PKN2: variants seen among roughly 807,000 people sequenced by gnomAD.
PKN2 encodes the protein protein kinase N2.
Under a neutral mutation model 119.1 loss-of-function variants are expected in PKN2, and 38 were observed. The ratio of observed to expected loss-of-function variants is 0.32; its 90% CI spans 0.25 to 0.42. The LOEUF is 0.42. PKN2 is among the 10% of genes least tolerant of loss of function. The probability of loss-of-function intolerance (pLI) is 1.00; values close to 1 mark genes in which losing one functional copy is unlikely to be tolerated. For missense variants in PKN2, 850 were observed against 1,165.1 expected (o/e 0.73, Z 3.94); for synonymous variants, 390 against 384.9 (o/e 1.01, Z -0.15).
chr1:88,751,041 T>C (rs924729523), intron 2 of PKN2, among the ~76,000 whole-genome samples: 9 of 152,190 alleles, frequency 5.9e-5, no homozygotes, highest in African/African-American at 2.2e-4. Context: ...AGTACAAATT[T>C]GTAGCATGGT....
At chr1:88,746,916 C>T (rs538052487) in intron 2 of PKN2, among the ~76,000 whole-genome samples, 1 of 152,106 alleles carries the variant, frequency 6.6e-6, no homozygotes, top group Admixed American at 6.5e-5. Context: ...CAATACTATT[C>T]AGCCTTAAAG....
intron 2 of PKN2, among the ~76,000 whole-genome samples, chr1:88,743,757 T>C (rs1221381417): frequency 6.6e-6 from 1 of 152,218 alleles, no homozygotes; most frequent in Non-Finnish European, 1.5e-5. Context: ...TCGCATCTTA[T>C]ATTAGTCTTT....
At chr1:88,806,707 T>G (rs1352314160) in intron 12 of PKN2, among the ~76,000 whole-genome samples, 2 of 152,048 alleles carry the variant, frequency 1.3e-5, no homozygotes, top group Non-Finnish European at 2.9e-5. Flanking sequence ...AATGTGTTAG[T>G]TTTTCATTGT....
intron 15 of PKN2, among the ~76,000 whole-genome samples, chr1:88,810,886 C>T (rs530231999): frequency 5.5e-4 from 84 of 152,314 alleles, no homozygotes; most frequent in Non-Finnish European, 1.1e-3. Context: ...GGATTACAGG[C>T]ATGAGCCACT....
rs1001972823 is a variant in PKN2, at chr1:88,836,151, G to T, written c.*2703G>T. The T allele has an allele frequency of 1.3e-5, 2 of 151,996 alleles. No homozygotes were observed. Among genetic ancestry groups the T allele is most frequent in the African/African-American group, 4.8e-5 (2 of 41,422 alleles). The allele number at this position is 151,996 out of a possible 1,614,324, so 9.4% of individuals were successfully genotyped here. ...AAGAACAGCCTGTTTTAATTAAGAT[G>T]CAAGCACCAGTATTGTATGTACTTT... is the stretch of plus-strand genomic sequence containing the variant. On this transcript the variant is annotated 3_prime_UTR_variant, in exon 22 of 22. Coordinates refer to ENST00000370521, the MANE Select transcript of PKN2 (RefSeq NM_006256.4).
At chr1:88,762,263 A>G (rs1035423138) in intron 3 of PKN2, among the ~76,000 whole-genome samples, 2 of 152,254 alleles carry the variant, frequency 1.3e-5, no homozygotes, top group Non-Finnish European at 2.9e-5. Flanking sequence ...CAAAGTGAAC[A>G]AGGCTGTGAG....
At chr1:88,786,072 T>C (rs1276667680) in intron 7 of PKN2, 32 bp from the exon 8 acceptor site, 1 of 1,336,710 alleles carries the variant, frequency 7.5e-7, no homozygotes, top group Non-Finnish European at 1.1e-6. Context: ...AGGTTTAAAG[T>C]TTTTAAGCAA....
At chr1:88,748,656 T>C (rs1207695985) in intron 2 of PKN2, among the ~76,000 whole-genome samples, 5 of 152,136 alleles carry the variant, frequency 3.3e-5, no homozygotes, top group African/African-American at 1.2e-4. Flanking sequence ...AGAAGATGGC[T>C]GGGCACAGTG....
At chr1:88,702,072 C>A (rs1666791978) in intron 1 of PKN2, among the ~76,000 whole-genome samples, 1 of 152,168 alleles carries the variant, frequency 6.6e-6, no homozygotes, top group Non-Finnish European at 1.5e-5. Context: ...GATTCTCCTG[C>A]CTCAGCCTCC....
At chr1:88,811,219 A>G (rs2100890182) in intron 15 of PKN2, among the ~76,000 whole-genome samples, 1 of 152,248 alleles carries the variant, frequency 6.6e-6, no homozygotes, top group South Asian at 2.1e-4. Flanking sequence ...ACCAATTTAT[A>G]TTTCAACACA....
At position 88,770,458 on chromosome 1, in the gene PKN2, C is replaced by T. The variant is rs1316205175; in HGVS notation, c.611C>T (p.Ala204Val). The change falls in exon 4 of 22, where the codon GCT becomes GTT. Residue 204 changes from alanine (A) to valine (V), a missense_variant. Ala to Val is a moderately conservative substitution (Grantham distance 64, BLOSUM62 0). Coordinates refer to ENST00000370521, the MANE Select transcript of PKN2 (RefSeq NM_006256.4). ...CAGGCAGTCCAGACTAATGAATTGG[C>T]TTTTGATAATGGTGATGGAATAAAT... is the stretch of plus-strand genomic sequence containing the variant. ...ILQAVQTNEL[A>V]FDNAKPVISP... is the part of the protein sequence containing the mutation. 1.3e-6 allele frequency: 2 copies of T among 1,567,302 alleles called. No homozygotes were observed. The highest frequency in any genetic ancestry group is 1.8e-6 in the Non-Finnish European group (2 of 1,137,554).
intron 2 of PKN2, among the ~76,000 whole-genome samples, chr1:88,749,152 G>A (rs916700017): frequency 2.0e-5 from 3 of 152,118 alleles, no homozygotes; most frequent in African/African-American, 4.8e-5. Context: ...ATTTACAAAA[G>A]AACAGTGCAT....
chr1:88,802,631 T>G (rs1301556851), intron 8 of PKN2, among the ~76,000 whole-genome samples: 1 of 152,160 alleles, frequency 6.6e-6, no homozygotes, highest in Non-Finnish European at 1.5e-5. Context: ...CAGCCTATAA[T>G]GTACTTTAGT....
intron 1 of PKN2, among the ~76,000 whole-genome samples, chr1:88,721,011 G>C (rs772839308): frequency 2.6e-5 from 4 of 152,008 alleles, no homozygotes; most frequent in Middle Eastern, 3.4e-3. Flanking sequence ...TATTTTCTTT[G>C]TCCACTTGTT....
rs770155105 is a variant in PKN2 at position 88,833,168 on chromosome 1, C to T, written c.2751+11C>T. 16 of 1,611,382 alleles carry T rather than the reference C, an allele frequency of 9.9e-6. No individual in the cohort carries two copies. The highest frequency in any genetic ancestry group is 1.1e-5 in the Non-Finnish European group (13 of 1,178,552). On this transcript the variant is annotated intron_variant, in intron 21 of 21. Transcript: ENST00000370521. The stretch of plus-strand genomic sequence containing the variant: ...CACCCATTTTTCCGGGTAAGTGTGA[C>T]TATTTAAAATTTTTTATGAAACTAG...
chr1:88,725,787 A>G (rs999569868), intron 1 of PKN2, among the ~76,000 whole-genome samples: 5 of 152,160 alleles, frequency 3.3e-5, no homozygotes, highest in Admixed American at 2.0e-4. Context: ...TTGGTGTCCT[A>G]CGAACTCTTC....
intron 1 of PKN2, among the ~76,000 whole-genome samples, chr1:88,704,257 G>A (rs899779902): frequency 7.2e-5 from 11 of 152,030 alleles, no homozygotes; most frequent in African/African-American, 2.7e-4. Context: ...GGAGGTGGGG[G>A]GCATGGCATC....
chr1:88,829,966 AAGG>A (rs1672667367), intron 19 of PKN2, among the ~76,000 whole-genome samples: 1 of 152,314 alleles, frequency 6.6e-6, no homozygotes, highest in South Asian at 2.1e-4. Flanking sequence ...TTCCTTGGAA[AAGG>A]AGGAGAAGTA....
chr1:88,823,025 C>T (rs1672358664), intron 17 of PKN2, among the ~76,000 whole-genome samples: 1 of 152,106 alleles, frequency 6.6e-6, no homozygotes, highest in African/African-American at 2.4e-5. Context: ...TTGAGACCCG[C>T]CTGGGCAACA....
Sources: gnomAD v4.1 joint callset for allele counts (sites outside exome capture counted in the v4.1 genomes callset) on GRCh38, gnomAD v4.1.1 for gene constraint, MANE v1.5 for transcripts, NCBI Gene and HGNC (gene_info 2026-07-23, HGNC 2026-07-21) for gene names.